USP37: variants seen among roughly 807,000 people sequenced by gnomAD.
USP37 encodes the protein ubiquitin carboxyl-terminal hydrolase 37.
A neutral mutation model predicts 124.0 loss-of-function variants in USP37; 27 were observed. That is an observed-to-expected ratio of 0.22 (90% CI 0.16 to 0.30). The LOEUF (loss-of-function observed/expected upper bound fraction) is 0.30, where lower values mean the gene tolerates loss of function less well. Ranked by LOEUF, USP37 falls within the 10% of genes least tolerant of loss-of-function variation. The pLI is 1.00. For synonymous variants in USP37, 365 were observed against 388.0 expected, an observed-to-expected ratio of 0.94 and a Z score of 0.70; for missense variants, 889 against 1,140.4, an observed-to-expected ratio of 0.78 and a Z score of 3.17.
At chr2:218,457,278 A>G (rs1042674807) in intron 23 of USP37, 117 bp from the exon 24 acceptor site, 4 of 968,510 alleles carry the variant, frequency 4.1e-6, no homozygotes, top group Non-Finnish European at 4.6e-6. Context: ...GCATAGTAAG[A>G]ATCAATTAAA....
intron 11 of USP37, 34 bp downstream of exon 11, chr2:218,509,945 T>C: frequency 6.7e-7 from 1 of 1,500,694 alleles, no homozygotes; most frequent in Non-Finnish European, 8.9e-7. Context: ...AATCACTTTA[T>C]AAAAAAGAAA....
At chr2:218,475,367 C>T (rs988919400) in intron 19 of USP37, among the ~76,000 whole-genome samples, 4 of 152,190 alleles carry the variant, frequency 2.6e-5, no homozygotes, top group South Asian at 2.1e-4. Flanking sequence ...CCTGTAATCC[C>T]AGCGGTGGAT....
At chr2:218,546,046 A>C (rs1384203180) in intron 8 of USP37, among the ~76,000 whole-genome samples, 175 bp downstream of exon 8, 1 of 152,184 alleles carries the variant, frequency 6.6e-6, no homozygotes, top group Non-Finnish European at 1.5e-5. Flanking sequence ...AGCACTGGCT[A>C]ATTTCCCTCT....
intron 10 of USP37, among the ~76,000 whole-genome samples, chr2:218,516,716 TAA>T (rs1387138470): frequency 1.3e-5 from 2 of 151,926 alleles, no homozygotes; most frequent in African/African-American, 4.8e-5. Context: ...TAAAATAAAA[TAA>T]AAAAATCAGG....
rs952916799 is a variant in USP37 at position 218,494,078 on chromosome 2, C to T, written c.1472+1682G>A. Among the ~76,000 whole-genome samples, 9 of 152,092 alleles carry T rather than the reference C, an allele frequency of 5.9e-5. No homozygotes were observed. In the South Asian group the frequency reaches 8.3e-4, roughly 14 times the overall value. ...TAAGCTGAACCATACTTGCAAGATC[C>T]GGATATTTTCTTTAGACAACCATTT... On this transcript the variant is annotated intron_variant, in intron 14 of 25. Transcript: ENST00000258399.
intron 14 of USP37, among the ~76,000 whole-genome samples, chr2:218,491,512 C>G (rs563303672): frequency 2.0e-5 from 3 of 152,334 alleles, no homozygotes; most frequent in East Asian, 1.9e-4. Context: ...CTTAGCCATA[C>G]TGTGCTTAGT....
At position 218,553,575 on chromosome 2, in the gene USP37, G is replaced by A; in HGVS notation, c.306C>T (p.Val102=). Reference sequence around the variant, plus strand: ...CACCTGCAGGAAGTCTGTTTTGATGGACTGCATCTAGAAACAACCTCATTT... The same window carrying A: ...CACCTGCAGGAAGTCTGTTTTGATGAACTGCATCTAGAAACAACCTCATTT... ...AEEMRLFLDA[V]HQNRLPAAMK... Residue 102 remains valine (V), a synonymous_variant, in exon 5 of 26, where the codon GTC becomes GTT. Coordinates refer to ENST00000258399, the MANE Select transcript of USP37 (RefSeq NM_020935.3). 4 of 1,613,376 alleles carry A rather than the reference G, an allele frequency of 2.5e-6. No homozygotes were observed. The highest frequency in any genetic ancestry group is 3.4e-6 in the Non-Finnish European group (4 of 1,179,632).
intron 1 of USP37, among the ~76,000 whole-genome samples, chr2:218,563,071 G>A (rs757611556): frequency 2.1e-4 from 31 of 150,958 alleles, no homozygotes; most frequent in Non-Finnish European, 1.8e-4. Flanking sequence ...GCTGAGGCAG[G>A]AGAATTGCTT....
chr2:218,515,209 CT>C (rs879297884), intron 10 of USP37, among the ~76,000 whole-genome samples: 46 of 147,212 alleles, frequency 3.1e-4, no homozygotes, highest in Non-Finnish European at 2.4e-4. Context: ...TCATAGGGAA[CT>C]TTTTTTTTTT....
chr2:218,524,802 G>A (rs772091278), intron 10 of USP37, among the ~76,000 whole-genome samples: 23 of 152,292 alleles, frequency 1.5e-4, no homozygotes, highest in Middle Eastern at 6.8e-3. Flanking sequence ...TAAAGACAGC[G>A]TTTCGCCATG....
chr2:218,476,161 T>C (rs1244645222), intron 19 of USP37, among the ~76,000 whole-genome samples: 2 of 152,280 alleles, frequency 1.3e-5, no homozygotes, highest in Non-Finnish European at 2.9e-5. Context: ...ATCTTCAAAG[T>C]ATTAACTATC....
chr2:218,500,086 C>CT (rs1050333804), intron 11 of USP37, among the ~76,000 whole-genome samples: 3 of 150,882 alleles, frequency 2.0e-5, no homozygotes, highest in African/African-American at 7.3e-5. Flanking sequence ...TTCGTTTTTT[C>CT]TTTTTTTAGA....
chr2:218,461,528 A>G (rs1407913127), intron 22 of USP37, among the ~76,000 whole-genome samples: 2 of 152,084 alleles, frequency 1.3e-5, no homozygotes, highest in East Asian at 3.9e-4. Context: ...AAAAGAAAAA[A>G]GAAAATCTAA....
intron 11 of USP37, among the ~76,000 whole-genome samples, chr2:218,499,958 T>C (rs1027108741): frequency 2.6e-5 from 4 of 152,168 alleles, no homozygotes; most frequent in Non-Finnish European, 4.4e-5. Context: ...TTTGTAGAGA[T>C]GGATCTCACT....
intron 8 of USP37, among the ~76,000 whole-genome samples, chr2:218,539,454 C>T (rs1052764655): frequency 1.3e-5 from 2 of 151,738 alleles, no homozygotes; most frequent in Non-Finnish European, 2.9e-5. Context: ...GTGGCTCACA[C>T]CCGTAATCCC....
intron 11 of USP37, among the ~76,000 whole-genome samples, chr2:218,505,981 A>C (rs1399988841): frequency 1.3e-5 from 2 of 151,754 alleles, no homozygotes; most frequent in Non-Finnish European, 2.9e-5. Context: ...CTCTTGCCTC[A>C]GTCCCCTGAG....
chr2:218,484,252 C>T (rs556829551), intron 16 of USP37, among the ~76,000 whole-genome samples: 2 of 152,238 alleles, frequency 1.3e-5, no homozygotes, highest in African/African-American at 2.4e-5. Flanking sequence ...GCAAACCTTC[C>T]ACCTTGGCTT....
intron 2 of USP37, 68 bp downstream of exon 2, chr2:218,562,605 A>G (rs1191876842): frequency 8.3e-5 from 33 of 397,016 alleles, no homozygotes; most frequent in Non-Finnish European, 1.2e-4. Flanking sequence ...AAACAAACAC[A>G]AAACTGTCAG....
intron 15 of USP37, among the ~76,000 whole-genome samples, chr2:218,487,865 G>GT (rs1217137318): frequency 6.6e-6 from 1 of 151,664 alleles, no homozygotes; most frequent in Non-Finnish European, 1.5e-5. Context: ...CTTCTCATCT[G>GT]TTTTCCCCAC....
Sources: gnomAD v4.1 joint callset for allele counts (sites outside exome capture counted in the v4.1 genomes callset) on GRCh38, gnomAD v4.1.1 for gene constraint, MANE v1.5 for transcripts, NCBI Gene and HGNC (gene_info 2026-07-23, HGNC 2026-07-21) for gene names.